The following AGMO variants were observed in gnomAD, a reference collection of about 807,000 sequenced individuals.
AGMO encodes glyceryl-ether monooxygenase.
AGMO carries 75 observed loss-of-function variants against 60.2 expected under a neutral mutation model. The ratio of observed to expected loss-of-function variants is 1.25; its 90% CI spans 1.03 to 1.51. The LOEUF (loss-of-function observed/expected upper bound fraction) is 1.51. Among genes scored for constraint, AGMO ranks in the 40% most tolerant of loss-of-function variants. The pLI, the probability that AGMO is intolerant of heterozygous loss-of-function variation, is 0.00. For missense variants in AGMO, 763 were observed against 525.5 expected, an observed-to-expected ratio of 1.45 and a Z score of -4.42; for synonymous variants, 261 against 177.1, an observed-to-expected ratio of 1.47 and a Z score of -3.76.
intron 12 of AGMO, among the ~76,000 whole-genome samples, chr7:15,324,018 G>A (rs1401706350): frequency 6.6e-6 from 1 of 152,162 alleles, no homozygotes; most frequent in East Asian, 1.9e-4. Context: ...GTATTAAAGT[G>A]CATATTTATG....
chr7:15,550,115 CA>C (rs1315205699), intron 2 of AGMO, among the ~76,000 whole-genome samples: 3 of 151,702 alleles, frequency 2.0e-5, no homozygotes, highest in African/African-American at 7.3e-5. Context: ...TCTTTGAAAC[CA>C]ACGAGAACAA....
intron 12 of AGMO, among the ~76,000 whole-genome samples, chr7:15,209,263 G>C (rs2115474456): frequency 1.3e-5 from 2 of 152,250 alleles, no homozygotes; most frequent in South Asian, 4.1e-4. Flanking sequence ...ACTTCAATCT[G>C]GAAGAGCATG....
the AGMO span, among the ~76,000 whole-genome samples, chr7:15,117,590 T>C: frequency 6.6e-6 from 1 of 151,928 alleles, no homozygotes; most frequent in African/African-American, 2.4e-5. Context: ...AGTATTTGGG[T>C]GATGGGTACA....
intron 2 of AGMO, among the ~76,000 whole-genome samples, chr7:15,548,183 G>C (rs1393989469): frequency 8.5e-5 from 13 of 152,066 alleles, no homozygotes; most frequent in South Asian, 2.1e-4. Context: ...CGTCATCAAA[G>C]ACCAAAAGTA....
intron 3 of AGMO, among the ~76,000 whole-genome samples, chr7:15,526,836 T>TCA (rs1784141245): frequency 6.6e-6 from 1 of 152,220 alleles, no homozygotes. Flanking sequence ...TGTCTCTGTA[T>TCA]CACACACTGG....
At chr7:15,356,494 A>C (rs2128556965) in intron 12 of AGMO, among the ~76,000 whole-genome samples, 1 of 152,222 alleles carries the variant, frequency 6.6e-6, no homozygotes, top group East Asian at 1.9e-4. Context: ...ACAAATTTTA[A>C]AAAATGAAAT....
At chr7:15,433,056 C>T (rs1359489001) in intron 3 of AGMO, among the ~76,000 whole-genome samples, 1 of 152,156 alleles carries the variant, frequency 6.6e-6, no homozygotes, top group Non-Finnish European at 1.5e-5. Flanking sequence ...GATTTTATAA[C>T]TTATGACTTA....
chr7:15,319,065 G>A (rs894941868), intron 12 of AGMO, among the ~76,000 whole-genome samples: 1 of 151,690 alleles, frequency 6.6e-6, no homozygotes, highest in Admixed American at 6.6e-5. Flanking sequence ...TCCTCCTCCC[G>A]TTTCTCTACT....
intron 12 of AGMO, among the ~76,000 whole-genome samples, chr7:15,323,836 C>T (rs1450841526): frequency 1.3e-5 from 2 of 152,114 alleles, no homozygotes; most frequent in Non-Finnish European, 2.9e-5. Context: ...TCAAAACAGA[C>T]ACGAGATGTT....
chr7:15,301,236 C>A lies in AGMO; in HGVS notation c.1263+64278G>T, dbSNP rs183792298. On this transcript the variant is annotated intron_variant, in intron 12 of 12. Coordinates refer to ENST00000342526, the MANE Select transcript of AGMO (RefSeq NM_001004320.2). ...GGTGGATCACTTGAGGTCAGGAGTT[C>A]GAGACCAGGCTGGCCAACATGCTGA... is the stretch of plus-strand genomic sequence containing the variant. 3.9e-5 allele frequency among the ~76,000 whole-genome samples: 6 copies of A among 152,092 alleles called. No individual in the cohort carries two copies. In the South Asian group the frequency reaches 1.2e-3, roughly 32 times the overall value.
At chr7:15,207,034 T>TA (rs1781456955) in intron 12 of AGMO, among the ~76,000 whole-genome samples, 2 of 152,294 alleles carry the variant, frequency 1.3e-5, no homozygotes, top group South Asian at 4.1e-4. Context: ...CTAAACTGCC[T>TA]AAGAAAGTGT....
chr7:15,379,513 G>A (rs759526398), intron 10 of AGMO, among the ~76,000 whole-genome samples: 8 of 151,794 alleles, frequency 5.3e-5, no homozygotes, highest in Admixed American at 2.0e-4. Context: ...AAATCTAGAC[G>A]AATTTCCTGG....
chr7:15,488,091 T>C (rs1269136537), intron 3 of AGMO, among the ~76,000 whole-genome samples: 1 of 152,172 alleles, frequency 6.6e-6, no homozygotes. Context: ...TGCTGGCCCA[T>C]AAGCAAAGAG....
At chr7:15,245,853 A>G (rs1048070109) in intron 12 of AGMO, among the ~76,000 whole-genome samples, 7 of 152,168 alleles carry the variant, frequency 4.6e-5, no homozygotes, top group African/African-American at 1.4e-4. Flanking sequence ...TAATGGAGGA[A>G]AAGAAGGGAA....
chr7:15,171,767 T>G, the AGMO span, among the ~76,000 whole-genome samples: 1 of 152,216 alleles, frequency 6.6e-6, no homozygotes, highest in African/African-American at 2.4e-5. Context: ...ATTAACTCCA[T>G]GCCTTTTATC....
At chr7:15,550,151 G>C (rs1463137121) in intron 2 of AGMO, among the ~76,000 whole-genome samples, 1 of 151,376 alleles carries the variant, frequency 6.6e-6, no homozygotes, top group African/African-American at 2.4e-5. Flanking sequence ...AGAATCTCTG[G>C]GATGCATTCA....
chr7:15,489,398 A>AGT (rs1354693974), intron 3 of AGMO, among the ~76,000 whole-genome samples: 1 of 152,184 alleles, frequency 6.6e-6, no homozygotes, highest in Non-Finnish European at 1.5e-5. Context: ...GAAGCTGTGC[A>AGT]GTGCAGTCTT....
intron 2 of AGMO, among the ~76,000 whole-genome samples, chr7:15,553,115 G>A (rs903481112): frequency 6.7e-6 from 1 of 148,870 alleles, no homozygotes; most frequent in Non-Finnish European, 1.5e-5. Context: ...GGTGGGAATT[G>A]AACAATGAGA....
intron 2 of AGMO, among the ~76,000 whole-genome samples, chr7:15,550,555 T>G (rs1168102812): frequency 6.6e-6 from 1 of 151,680 alleles, no homozygotes; most frequent in Non-Finnish European, 1.5e-5. Context: ...ACAAATAAAC[T>G]AGAAAATCTA....
Sources: allele counts gnomAD v4.1 joint callset (sites outside exome capture counted in the v4.1 genomes callset), GRCh38; gene constraint gnomAD v4.1.1; transcripts MANE v1.5; gene names NCBI Gene and HGNC (gene_info 2026-07-23, HGNC 2026-07-21).